DAB1: variants seen among roughly 807,000 people sequenced by gnomAD.
DAB1 encodes the protein disabled homolog 1.
In DAB1, 15 loss-of-function variants were observed where a neutral mutation model predicts 64.6. The observed-to-expected ratio is 0.23, with a 90% CI of 0.16 to 0.36. The LOEUF (loss-of-function observed/expected upper bound fraction) is 0.36. Ranked by LOEUF, DAB1 falls within the 10% of genes least tolerant of loss-of-function variation. DAB1 has a pLI of 1.00. For missense variants in DAB1, 596 were observed against 706.7 expected (o/e 0.84, Z 1.78); for synonymous variants, 235 against 251.9 (o/e 0.93, Z 0.64).
chr1:57,364,105 C>T (rs1315309259), intron 1 of DAB1, among the ~76,000 whole-genome samples: 1 of 152,124 alleles, frequency 6.6e-6, no homozygotes, highest in East Asian at 1.9e-4. Flanking sequence ...AAACATGTCT[C>T]AGAGGCTCTC....
At chr1:58,517,322 T>C (rs991874670) in intron 2 of DAB1, among the ~76,000 whole-genome samples, 3 of 152,242 alleles carry the variant, frequency 2.0e-5, no homozygotes, top group African/African-American at 7.2e-5. Flanking sequence ...ATTGGTGCTC[T>C]TGAATTCTGT....
intron 4 of DAB1, among the ~76,000 whole-genome samples, chr1:58,293,980 C>T (rs1465013861): frequency 6.6e-6 from 1 of 152,168 alleles, no homozygotes; most frequent in Non-Finnish European, 1.5e-5. Context: ...CAGAACCCAT[C>T]ATGTTGGTCT....
At chr1:57,584,770 C>G (rs1341919234) in intron 7 of DAB1, among the ~76,000 whole-genome samples, 2 of 152,176 alleles carry the variant, frequency 1.3e-5, no homozygotes, top group African/African-American at 2.4e-5. Flanking sequence ...CTCCAGCTTT[C>G]TGTGTTGTTA....
intron 3 of DAB1, among the ~76,000 whole-genome samples, chr1:58,406,442 T>C (rs965882946): frequency 6.6e-6 from 1 of 152,228 alleles, no homozygotes; most frequent in Non-Finnish European, 1.5e-5. Flanking sequence ...AGTCCCTGCT[T>C]AACGAGGACA....
chr1:58,380,820 A>G (rs535073956), intron 3 of DAB1, among the ~76,000 whole-genome samples: 2 of 152,376 alleles, frequency 1.3e-5, no homozygotes, highest in South Asian at 4.1e-4. Context: ...GGAGCAACTT[A>G]CTAGAAAATA....
At chr1:58,185,901 C>T (rs1463367479) in intron 4 of DAB1, among the ~76,000 whole-genome samples, 2 of 152,152 alleles carry the variant, frequency 1.3e-5, no homozygotes, top group African/African-American at 4.8e-5. Context: ...GTGGATAGGG[C>T]CATTGACCCT....
In DAB1 at chr1:57,743,967, T is replaced by C. The variant is rs186178674; in HGVS notation, n.552-94302A>G. Among the ~76,000 whole-genome samples, 523 of 152,380 alleles carry C rather than the reference T, an allele frequency of 3.4e-3. 4 individuals are homozygous for C. Among genetic ancestry groups the C allele is most frequent in the Non-Finnish European group, 4.0e-3 (269 of 68,034 alleles). On this transcript the variant is annotated intron_variant and non_coding_transcript_variant, in intron 6 of 20. Transcript: ENST00000485760. ...AAGACACAGATCCCTCATGCATTTG[T>C]TTGTGGCTTAAGAATGCCTTTAAGC...
intron 5 of DAB1, among the ~76,000 whole-genome samples, chr1:57,940,676 C>T (rs1049633568): frequency 2.0e-5 from 3 of 152,200 alleles, no homozygotes; most frequent in African/African-American, 7.2e-5. Context: ...TCCAGGGACA[C>T]CATTTGAGTA....
intron 7 of DAB1, among the ~76,000 whole-genome samples, chr1:57,584,969 C>T (rs921380660): frequency 1.4e-5 from 2 of 145,050 alleles, no homozygotes; most frequent in African/African-American, 2.5e-5. Context: ...ACTCACACCT[C>T]GGCCAGGCGC....
chr1:58,235,102 C>T (rs1263611640), intron 4 of DAB1, among the ~76,000 whole-genome samples: 1 of 152,226 alleles, frequency 6.6e-6, no homozygotes, highest in Non-Finnish European at 1.5e-5. Context: ...GCATCTTCAT[C>T]TGTGTGATGG....
chr1:57,948,699 C>T (rs959690317), intron 5 of DAB1, among the ~76,000 whole-genome samples: 3 of 152,208 alleles, frequency 2.0e-5, no homozygotes, highest in Non-Finnish European at 4.4e-5. Flanking sequence ...GAATCTTCCT[C>T]TTGAGCTACT....
At chr1:58,503,266 G>A (rs1006190730) in intron 3 of DAB1, among the ~76,000 whole-genome samples, 1 of 152,122 alleles carries the variant, frequency 6.6e-6, no homozygotes, top group African/African-American at 2.4e-5. Context: ...CCCAGGGTGC[G>A]ATAAAGTCCC....
At chr1:57,030,499 C>G (rs769076461) in intron 9 of DAB1, among the ~76,000 whole-genome samples, 22 of 152,202 alleles carry the variant, frequency 1.4e-4, no homozygotes, top group Admixed American at 1.3e-4. Context: ...AGGCCCAGAA[C>G]AGAGTAGGTA....
At chr1:58,172,509 G>A (rs1265623996) in intron 4 of DAB1, among the ~76,000 whole-genome samples, 2 of 152,210 alleles carry the variant, frequency 1.3e-5, no homozygotes, top group Non-Finnish European at 2.9e-5. Flanking sequence ...CTCCTTGAGG[G>A]ACCAGTGCTT....
intron 5 of DAB1, among the ~76,000 whole-genome samples, chr1:58,081,963 G>A (rs1000056125): frequency 3.3e-5 from 5 of 152,296 alleles, no homozygotes; most frequent in African/African-American, 1.2e-4. Flanking sequence ...CATGAAAAAA[G>A]TGTTTAATAT....
chr1:57,281,574 C>A (rs2100630822), intron 2 of DAB1, among the ~76,000 whole-genome samples: 1 of 152,218 alleles, frequency 6.6e-6, no homozygotes, highest in South Asian at 2.1e-4. Flanking sequence ...CCAGACAGCA[C>A]CTCTCTGATG....
intron 2 of DAB1, among the ~76,000 whole-genome samples, chr1:57,283,646 T>A (rs1672088188): frequency 6.6e-6 from 1 of 152,228 alleles, no homozygotes; most frequent in African/African-American, 2.4e-5. Context: ...GAGCCTTGAC[T>A]CCAACTTCAG....
chr1:57,197,175 A>T (rs1003733254), intron 2 of DAB1, among the ~76,000 whole-genome samples: 3 of 152,062 alleles, frequency 2.0e-5, no homozygotes, highest in Admixed American at 6.6e-5. Context: ...ATCTCTACTA[A>T]AAAAACAAAA....
chr1:57,891,833 C>G (rs186226883), intron 5 of DAB1, among the ~76,000 whole-genome samples: 1 of 151,608 alleles, frequency 6.6e-6, no homozygotes, highest in Non-Finnish European at 1.5e-5. Context: ...CATCACACAC[C>G]GGGGCCTGTC....
Sources: gnomAD v4.1 joint callset for allele counts (sites outside exome capture counted in the v4.1 genomes callset) on GRCh38, gnomAD v4.1.1 for gene constraint, MANE v1.5 for transcripts, NCBI Gene and HGNC (gene_info 2026-07-23, HGNC 2026-07-21) for gene names.